Variants in GRIP1 observed in about 807,000 individuals in gnomAD.
The protein encoded by GRIP1 is glutamate receptor interacting protein 1, also known as glutamate receptor-interacting protein 1.
GRIP1 carries 45 observed loss-of-function variants against 129.9 expected under a neutral mutation model. The ratio of observed to expected loss-of-function variants is 0.35; its 90% CI spans 0.27 to 0.44. The LOEUF is 0.44. Among genes scored for constraint, GRIP1 ranks in the 20% least tolerant of loss-of-function variants. The pLI, the probability that GRIP1 is intolerant of heterozygous loss-of-function variation, is 1.00. For missense variants in GRIP1, 1,196 were observed against 1,396.8 expected, an observed-to-expected ratio of 0.86 and a Z score of 2.29; for synonymous variants, 530 against 520.8, an observed-to-expected ratio of 1.02 and a Z score of -0.24.
intron 1 of GRIP1, among the ~76,000 whole-genome samples, chr12:66,966,992 T>A (rs1026442894): frequency 1.3e-5 from 2 of 152,208 alleles, no homozygotes; most frequent in African/African-American, 4.8e-5. Context: ...TACTGCTTCT[T>A]CTCCTCCATT....
At chr12:66,588,493 G>A (rs1461364207) in intron 2 of GRIP1, among the ~76,000 whole-genome samples, 4 of 152,178 alleles carry the variant, frequency 2.6e-5, no homozygotes. Context: ...CTTCTGAGCA[G>A]AGGCTCAACT....
intron 1 of GRIP1, among the ~76,000 whole-genome samples, chr12:66,844,447 G>C (rs1003788704): frequency 6.6e-6 from 1 of 152,052 alleles, no homozygotes; most frequent in Non-Finnish European, 1.5e-5. Flanking sequence ...CAACAACAAA[G>C]AAACAGAAAA....
chr12:66,410,601 C>T (rs1039548736), intron 15 of GRIP1, among the ~76,000 whole-genome samples: 1 of 152,054 alleles, frequency 6.6e-6, no homozygotes, highest in Non-Finnish European at 1.5e-5. Flanking sequence ...CGAGATTGCA[C>T]CACATCACTC....
chr12:66,781,094 CCA>C (rs2038144095), intron 1 of GRIP1, among the ~76,000 whole-genome samples: 1 of 152,100 alleles, frequency 6.6e-6, no homozygotes, highest in Admixed American at 6.6e-5. Context: ...AACGGCGATA[CCA>C]CAGTTTTAAT....
chr12:66,492,866 C>T (rs1327641295), intron 7 of GRIP1, among the ~76,000 whole-genome samples: 1 of 151,998 alleles, frequency 6.6e-6, no homozygotes, highest in East Asian at 1.9e-4. Context: ...AAAAATTAGC[C>T]AGGTATGGTG....
At chr12:66,781,294 C>A (rs1301932601) in intron 1 of GRIP1, among the ~76,000 whole-genome samples, 2 of 152,112 alleles carry the variant, frequency 1.3e-5, no homozygotes, top group Non-Finnish European at 2.9e-5. Flanking sequence ...CTAGAAAATG[C>A]TTCAAAAACT....
chr12:66,670,145 G>A (rs2034007091), intron 1 of GRIP1, among the ~76,000 whole-genome samples: 1 of 152,182 alleles, frequency 6.6e-6, no homozygotes, highest in Non-Finnish European at 1.5e-5. Flanking sequence ...TAACAGAAGA[G>A]AAGAGGGAGC....
intron 1 of GRIP1, among the ~76,000 whole-genome samples, chr12:66,771,105 G>C (rs1032335644): frequency 2.6e-5 from 4 of 151,240 alleles, no homozygotes; most frequent in African/African-American, 9.7e-5. Flanking sequence ...AAGAAAGATA[G>C]AAAGAAAAAA....
At chr12:66,569,068 G>T in intron 2 of GRIP1, 1 of 251,516 alleles carries the variant, frequency 4.0e-6, no homozygotes, top group Non-Finnish European at 7.9e-6. Context: ...GTGTTTCATT[G>T]ATTCCACCAT....
upstream of GRIP1, among the ~76,000 whole-genome samples, chr12:66,680,777 G>A (rs536662027): frequency 1.6e-4 from 24 of 151,982 alleles, no homozygotes; most frequent in Non-Finnish European, 2.4e-4. Context: ...CTCAGAATAC[G>A]CAGCTGTCAA....
chr12:66,708,073 G>C (rs140717479), intron 1 of GRIP1, among the ~76,000 whole-genome samples: 3 of 152,006 alleles, frequency 2.0e-5, no homozygotes, highest in Admixed American at 6.6e-5. Context: ...AGTCTAAAAG[G>C]ACATCTTTTC....
intron 1 of GRIP1, among the ~76,000 whole-genome samples, chr12:66,618,021 A>G (rs2065118676): frequency 6.6e-6 from 1 of 152,156 alleles, no homozygotes; most frequent in Non-Finnish European, 1.5e-5. Context: ...ACTGTGATTT[A>G]TCTTACAGAT....
intron 1 of GRIP1, among the ~76,000 whole-genome samples, chr12:66,822,427 T>C (rs1034370487): frequency 6.6e-6 from 1 of 152,214 alleles, no homozygotes; most frequent in Non-Finnish European, 1.5e-5. Flanking sequence ...TCAGCCACCA[T>C]TGGAAGCAGT....
intron 1 of GRIP1, among the ~76,000 whole-genome samples, chr12:67,048,908 C>T (rs919536396): frequency 3.9e-5 from 6 of 152,148 alleles, no homozygotes; most frequent in Non-Finnish European, 8.8e-5. Flanking sequence ...TCCATTAAAC[C>T]CTTTTTTCTT....
At chr12:66,854,223 G>A (rs1364663722) in intron 1 of GRIP1, among the ~76,000 whole-genome samples, 2 of 152,006 alleles carry the variant, frequency 1.3e-5, no homozygotes, top group African/African-American at 2.4e-5. Context: ...CGAGGGTGAG[G>A]AGGAGACAGG....
At position 66,510,758 on chromosome 12, in the gene GRIP1, C is replaced by A. The variant is rs564199701; in HGVS notation, c.724+4861G>T. Reference sequence around the variant, plus strand: ...GACTCCAGGGTTGAGGTATTGATATCTATATTGTACACACATACACCACAC... The same window carrying A: ...GACTCCAGGGTTGAGGTATTGATATATATATTGTACACACATACACCACAC... On this transcript the variant is annotated intron_variant, in intron 7 of 24. Transcript: ENST00000359742. Among the ~76,000 whole-genome samples the A allele has an allele frequency of 5.9e-5, 9 of 152,096 alleles. No individual in the cohort carries two copies. In the South Asian group the frequency reaches 1.9e-3, roughly 32 times the overall value.
chr12:66,460,320 C>G (rs776300926), intron 9 of GRIP1, among the ~76,000 whole-genome samples: 11 of 152,128 alleles, frequency 7.2e-5, no homozygotes, highest in Non-Finnish European at 1.3e-4. Flanking sequence ...GATATATGGC[C>G]ACAGAAGTTA....
chr12:66,937,499 G>T (rs2041505750), intron 1 of GRIP1, among the ~76,000 whole-genome samples: 1 of 152,072 alleles, frequency 6.6e-6, no homozygotes, highest in South Asian at 2.1e-4. Flanking sequence ...TCTGAGATCT[G>T]GTAGGCACAA....
intron 1 of GRIP1, among the ~76,000 whole-genome samples, chr12:66,772,494 C>T (rs1287279968): frequency 6.6e-6 from 1 of 152,208 alleles, no homozygotes; most frequent in East Asian, 1.9e-4. Flanking sequence ...TGCCAAGCTT[C>T]AGCCACAGTT....
Sources: gnomAD v4.1 joint callset for allele counts (sites outside exome capture counted in the v4.1 genomes callset) on GRCh38, gnomAD v4.1.1 for gene constraint, MANE v1.5 for transcripts, NCBI Gene and HGNC (gene_info 2026-07-23, HGNC 2026-07-21) for gene names.